The following DIAPH2 variants were observed in gnomAD, a reference collection of about 807,000 sequenced individuals.
The protein encoded by DIAPH2 is protein diaphanous homolog 2.
A neutral mutation model predicts 92.7 loss-of-function variants in DIAPH2; 35 were observed. The ratio of observed to expected loss-of-function variants is 0.38; its 90% confidence interval spans 0.29 to 0.50. The LOEUF is 0.50. DIAPH2 is among the 20% of genes least tolerant of loss of function. DIAPH2 has a pLI of 0.94. For synonymous variants in DIAPH2, 301 were observed against 280.4 expected (o/e 1.07, Z -0.73); for missense variants, 701 against 819.5 (o/e 0.86, Z 1.77).
chrX:96,699,184 T>C (rs762369520), intron 1 of DIAPH2, among the ~76,000 whole-genome samples: 2 of 112,100 alleles, frequency 1.8e-5, no homozygotes, highest in Non-Finnish European at 3.8e-5. Flanking sequence ...AGACTAAGAA[T>C]CTTAGTAAAT....
At chrX:97,093,746 A>G (rs952803005) in intron 19 of DIAPH2, among the ~76,000 whole-genome samples, 2 of 112,248 alleles carry the variant, frequency 1.8e-5, no homozygotes, top group Admixed American at 1.9e-4. Flanking sequence ...AAATAGGATC[A>G]TGACATTAGT....
chrX:97,349,082 ATTT>A (rs201110907), intron 24 of DIAPH2, among the ~76,000 whole-genome samples: 1,285 of 86,095 alleles, frequency 0.015, 18 homozygotes, highest in African/African-American at 0.056. Context: ...ATATATATAT[ATTT>A]TTTTTTTTTT....
At chrX:96,873,147 T>G (rs985256603) in intron 4 of DIAPH2, among the ~76,000 whole-genome samples, 6 of 111,788 alleles carry the variant, frequency 5.4e-5, no homozygotes, top group African/African-American at 1.6e-4. Flanking sequence ...GATACCTCAT[T>G]GTAGTTTTGA....
At chrX:97,515,329 T>C (rs2070936337) in intron 26 of DIAPH2, among the ~76,000 whole-genome samples, 1 of 112,848 alleles carries the variant, frequency 8.9e-6, no homozygotes, top group South Asian at 3.6e-4. Flanking sequence ...CCTGACCCCT[T>C]GCGCTTCCTG....
intron 23 of DIAPH2, among the ~76,000 whole-genome samples, chrX:97,313,195 A>G (rs1353635632): frequency 9.1e-6 from 1 of 110,380 alleles, no homozygotes; most frequent in Non-Finnish European, 1.9e-5. Flanking sequence ...AAAATAAAAT[A>G]AAATAATAAA....
intron 17 of DIAPH2, among the ~76,000 whole-genome samples, chrX:97,033,988 A>G (rs1054211076): frequency 9.0e-6 from 1 of 111,549 alleles, no homozygotes; most frequent in Non-Finnish European, 1.9e-5. Flanking sequence ...TCTTCTTATT[A>G]TCTTTTAAGT....
intron 1 of DIAPH2, among the ~76,000 whole-genome samples, chrX:96,705,494 G>A (rs759695679): frequency 1.2e-4 from 13 of 111,957 alleles, no homozygotes; most frequent in Non-Finnish European, 2.3e-4. Flanking sequence ...CAGGGTTACC[G>A]CAGCCAACTC....
chrX:97,446,804 C>T (rs1304628409), intron 26 of DIAPH2, among the ~76,000 whole-genome samples: 1 of 98,548 alleles, frequency 1.0e-5, no homozygotes, highest in Non-Finnish European at 2.0e-5. Context: ...CCATTCTTGA[C>T]AATTAAAGAG....
At chrX:97,515,570 G>T (rs1231685745) in intron 26 of DIAPH2, among the ~76,000 whole-genome samples, 1 of 112,283 alleles carries the variant, frequency 8.9e-6, no homozygotes, top group African/African-American at 3.2e-5. Context: ...TAGGTTTGAT[G>T]AAGAAGTGGA....
At chrX:96,808,604 C>A (rs1174954911) in intron 4 of DIAPH2, among the ~76,000 whole-genome samples, 1 of 111,681 alleles carries the variant, frequency 9.0e-6, no homozygotes, top group Non-Finnish European at 1.9e-5. Flanking sequence ...TTTTATTAAG[C>A]CATTTATTCA....
chrX:96,765,783 T>C (rs1471603779), intron 4 of DIAPH2, among the ~76,000 whole-genome samples: 1 of 111,562 alleles, frequency 9.0e-6, no homozygotes, highest in Non-Finnish European at 1.9e-5. Flanking sequence ...TTCTCTAGTT[T>C]CATCTCCAGC....
At chrX:97,161,749 G>A (rs1602384377) in intron 22 of DIAPH2, among the ~76,000 whole-genome samples, 2 of 111,874 alleles carry the variant, frequency 1.8e-5, no homozygotes, top group East Asian at 5.6e-4. Flanking sequence ...ATCTTTAAAA[G>A]GCAAGCAGTA....
chrX:96,847,195 A>G (rs2064978046), intron 4 of DIAPH2, among the ~76,000 whole-genome samples: 2 of 111,919 alleles, frequency 1.8e-5, no homozygotes, highest in Non-Finnish European at 3.8e-5. Context: ...AGAGTTGTGT[A>G]GAAGAATTAG....
intron 26 of DIAPH2, among the ~76,000 whole-genome samples, chrX:97,454,273 G>A (rs1211354764): frequency 9.0e-6 from 1 of 111,420 alleles, no homozygotes; most frequent in Non-Finnish European, 1.9e-5. Flanking sequence ...GCACTAAGAC[G>A]TGATAGTTAA....
At chrX:97,467,084 G>T (rs2070519269) in intron 26 of DIAPH2, among the ~76,000 whole-genome samples, 1 of 112,007 alleles carries the variant, frequency 8.9e-6, no homozygotes, top group African/African-American at 3.2e-5. Context: ...ACAATTTAAA[G>T]CTAAATTCAA....
intron 4 of DIAPH2, among the ~76,000 whole-genome samples, chrX:96,827,961 G>A (rs2064826117): frequency 9.0e-6 from 1 of 111,600 alleles, no homozygotes; most frequent in African/African-American, 3.3e-5. Context: ...ATAGACACGA[G>A]GTTTCACTAT....
intron 26 of DIAPH2, among the ~76,000 whole-genome samples, chrX:97,440,173 A>C (rs995274846): frequency 6.3e-5 from 7 of 111,838 alleles, no homozygotes; most frequent in African/African-American, 2.3e-4. Flanking sequence ...GAAGCAATCA[A>C]ATTGAAATCT....
chrX:96,966,550 T>G (rs2065894830), intron 17 of DIAPH2, among the ~76,000 whole-genome samples: 1 of 112,373 alleles, frequency 8.9e-6, no homozygotes, highest in African/African-American at 3.2e-5. Context: ...ATTTTTTGTT[T>G]TTTATTCCTT....
intron 1 of DIAPH2, among the ~76,000 whole-genome samples, chrX:96,717,485 G>A (rs941183878): frequency 3.8e-5 from 4 of 106,595 alleles, no homozygotes; most frequent in East Asian, 5.9e-4. Context: ...ATATCCTCCC[G>A]ATAATTGACC....
Sources: gnomAD v4.1 joint callset for allele counts (sites outside exome capture counted in the v4.1 genomes callset) on GRCh38, gnomAD v4.1.1 for gene constraint, MANE v1.5 for transcripts, NCBI Gene and HGNC (gene_info 2026-07-23, HGNC 2026-07-21) for gene names.